Variants in MET observed in about 807,000 individuals in gnomAD.
MET encodes hepatocyte growth factor receptor.
In MET, 48 loss-of-function variants were observed where a neutral mutation model predicts 133.1. That is an observed-to-expected ratio of 0.36 (90% CI 0.29 to 0.46). The LOEUF is 0.46. Ranked by LOEUF, MET falls within the 20% of genes least tolerant of loss-of-function variation. The pLI, the probability that MET is intolerant of heterozygous loss-of-function variation, is 1.00. For missense variants in MET, 1,442 were observed against 1,695.9 expected (o/e 0.85, Z 2.63); for synonymous variants, 628 against 616.5 (o/e 1.02, Z -0.28).
At chr7:116,788,310 C>T (rs962279628) in intron 19 of MET, among the ~76,000 whole-genome samples, 3 of 152,184 alleles carry the variant, frequency 2.0e-5, no homozygotes, top group African/African-American at 7.2e-5. Flanking sequence ...CTTTAATTTA[C>T]TAAACATCAC....
intron 1 of MET, among the ~76,000 whole-genome samples, chr7:116,696,544 C>A (rs531466945): frequency 2.0e-3 from 305 of 152,276 alleles, no homozygotes; most frequent in South Asian, 0.016. Context: ...TCCTTGAGAC[C>A]CTCACTTGGC....
At chr7:116,760,019 TGCCCACCTCG>T (rs1188418376) in intron 10 of MET, among the ~76,000 whole-genome samples, 5 of 152,172 alleles carry the variant, frequency 3.3e-5, no homozygotes, top group Admixed American at 3.3e-4. Flanking sequence ...TCAAATGATC[TGCCCACCTCG>T]GCCTCCCAAA....
At chr7:116,743,548 G>C (rs1793544773) in intron 5 of MET, among the ~76,000 whole-genome samples, 1 of 152,216 alleles carries the variant, frequency 6.6e-6, no homozygotes. Flanking sequence ...GCAGGGAGGG[G>C]TGTCCACCAT....
intron 5 of MET, among the ~76,000 whole-genome samples, chr7:116,747,817 A>G (rs1433921987): frequency 6.6e-6 from 1 of 152,238 alleles, no homozygotes; most frequent in Admixed American, 6.5e-5. Context: ...AATCAGTAGA[A>G]TATACATTCT....
intron 5 of MET, among the ~76,000 whole-genome samples, chr7:116,742,592 C>T (rs6945273): frequency 0.029 from 4,355 of 152,226 alleles, 214 homozygotes; most frequent in African/African-American, 0.098. Flanking sequence ...ACAAATGAAA[C>T]ATTTAATTTT....
rs773604455 is a variant in MET at position 116,699,537 on chromosome 7, T to C, written c.453T>C (p.Thr151=). The C allele has an allele frequency of 1.2e-6, 2 of 1,614,060 alleles. No homozygotes were observed. Among genetic ancestry groups the C allele is most frequent in the Non-Finnish European group, 1.7e-6 (2 of 1,179,958 alleles). ...GACATGTCTTTCCCCACAATCATACTGCTGACATACAGTCGGAGGTTCACT... is the reference window on the plus strand; with the variant it reads ...GACATGTCTTTCCCCACAATCATACCGCTGACATACAGTCGGAGGTTCACT... The part of the protein sequence containing the change: ...CQRHVFPHNH[T]ADIQSEVHCI... The change falls in exon 2 of 21, where the codon ACT becomes ACC. Residue 151 remains threonine (T), a synonymous_variant. Transcript: ENST00000397752.
chr7:116,675,951 A>G (rs760040735), intron 1 of MET, among the ~76,000 whole-genome samples: 2 of 152,154 alleles, frequency 1.3e-5, no homozygotes, highest in African/African-American at 2.4e-5. Flanking sequence ...ACAGGTTAGT[A>G]TATTCCGCTT....
chr7:116,737,950 C>T (rs1287311800), intron 3 of MET, among the ~76,000 whole-genome samples: 1 of 152,004 alleles, frequency 6.6e-6, no homozygotes, highest in African/African-American at 2.4e-5. Flanking sequence ...AAAAAGGGCT[C>T]TAGGAGGTGA....
chr7:116,675,813 C>T (rs1015238192), intron 1 of MET, among the ~76,000 whole-genome samples: 2 of 149,644 alleles, frequency 1.3e-5, no homozygotes, highest in African/African-American at 4.9e-5. Context: ...TGAGACATAC[C>T]GAGAAAAGGT....
intron 4 of MET, among the ~76,000 whole-genome samples, 176 bp from the exon 5 acceptor site, chr7:116,740,676 A>T (rs1166984006): frequency 6.6e-6 from 1 of 152,252 alleles, no homozygotes; most frequent in Admixed American, 6.5e-5. Context: ...AAGGAAAGGA[A>T]GGAATCAGAT....
At chr7:116,740,815 C>A (rs765259685) in intron 4 of MET, 37 bp from the exon 5 acceptor site, 6 of 1,611,272 alleles carry the variant, frequency 3.7e-6, no homozygotes, top group Non-Finnish European at 5.1e-6. Context: ...AAACTAGATA[C>A]CCCTCTGGAA....
chr7:116,791,808 G>T (rs959918754), intron 19 of MET, among the ~76,000 whole-genome samples: 1 of 152,086 alleles, frequency 6.6e-6, no homozygotes, highest in Non-Finnish European at 1.5e-5. Flanking sequence ...GGGATTGCAG[G>T]CATGAGCCAC....
At chr7:116,696,654 T>C (rs1796976860) in intron 1 of MET, among the ~76,000 whole-genome samples, 1 of 152,228 alleles carries the variant, frequency 6.6e-6, no homozygotes, top group African/African-American at 2.4e-5. Context: ...TCCCCTAAGA[T>C]TTAGGCCATT....
chr7:116,716,039 C>T (rs956256379), intron 2 of MET, among the ~76,000 whole-genome samples: 2 of 152,106 alleles, frequency 1.3e-5, no homozygotes, highest in Non-Finnish European at 2.9e-5. Context: ...TTGCTAGAGC[C>T]TGTGAATTCA....
intron 1 of MET, among the ~76,000 whole-genome samples, chr7:116,680,872 G>A (rs1422718497): frequency 6.6e-6 from 1 of 151,926 alleles, no homozygotes; most frequent in Non-Finnish European, 1.5e-5. Flanking sequence ...AGCCTGGGAG[G>A]CCAAGGCTGT....
At position 116,749,715 on chromosome 7, in the gene MET, G is replaced by A. The variant is rs890252723; in HGVS notation, c.1702-5640G>A. Among the ~76,000 whole-genome samples the A allele has an allele frequency of 3.9e-5, 6 of 152,116 alleles. No individual in the cohort carries two copies. The East Asian group carries it at 5.8e-4, about 15-fold the overall frequency. ...GATTGCATATTTAGAAAACCCCATC[G>A]TCTCAGCCCAAAATCTCCTTAAGCT... On this transcript the variant is annotated intron_variant, in intron 5 of 20. Transcript: ENST00000397752.
Position 116,740,950 on chromosome 7 carries a change from C to A in MET, c.1626C>A (p.His542Gln), listed in dbSNP as rs762898756. ...CCTTTGTTCAGTGTGGCTGGTGCCA[C>A]GACAAATGTGTGCGATCGGAGGAAT... ...APPFVQCGWC[H>Q]DKCVRSEECL... The change falls in exon 5 of 21, where the codon CAC becomes CAA. Residue 542 changes from histidine to glutamine, a missense_variant. Physicochemically the swap from His to Gln is conservative, Grantham distance 24. Transcript: ENST00000397752. The A allele has an allele frequency of 1.2e-6, 2 of 1,614,052 alleles. No individual in the cohort carries two copies. The highest frequency in any genetic ancestry group is 1.7e-6 in the Non-Finnish European group (2 of 1,180,022).
intron 1 of MET, chr7:116,695,753 G>C: frequency 2.0e-6 from 1 of 489,768 alleles, no homozygotes; most frequent in Middle Eastern, 3.1e-4. Context: ...TTCACAGGGT[G>C]GTGATGAAGA....
At chr7:116,676,661 G>C (rs1357487657) in intron 1 of MET, among the ~76,000 whole-genome samples, 1 of 152,198 alleles carries the variant, frequency 6.6e-6, no homozygotes, top group African/African-American at 2.4e-5. Flanking sequence ...TCAATAGTGA[G>C]GTCAGGGAAG....
Sources: allele counts gnomAD v4.1 joint callset (sites outside exome capture counted in the v4.1 genomes callset), GRCh38; gene constraint gnomAD v4.1.1; transcripts MANE v1.5; gene names NCBI Gene and HGNC (gene_info 2026-07-23, HGNC 2026-07-21).